The following ARFGEF1 variants were observed in gnomAD, a reference collection of about 807,000 sequenced individuals.
The protein encoded by ARFGEF1 is brefeldin A-inhibited guanine nucleotide-exchange protein 1.
ARFGEF1 carries 42 observed loss-of-function variants against 231.0 expected under a neutral mutation model. That is an observed-to-expected ratio of 0.18 (90% CI 0.14 to 0.24). The LOEUF is 0.24. Among genes scored for constraint, ARFGEF1 ranks in the 10% least tolerant of loss-of-function variants. The pLI, the probability that ARFGEF1 is intolerant of heterozygous loss-of-function variation, is 1.00. For synonymous variants in ARFGEF1, 710 were observed against 732.3 expected, an observed-to-expected ratio of 0.97 and a Z score of 0.49; for missense variants, 1,345 against 2,192.0, an observed-to-expected ratio of 0.61 and a Z score of 7.72.
In ARFGEF1 at chr8:67,240,632, A is replaced by C. The variant is rs78779453; in HGVS notation, c.2851-342T>G. Among the ~76,000 whole-genome samples the C allele has an allele frequency of 5.0e-3, 763 of 152,306 alleles. 3 individuals are homozygous for C. Among genetic ancestry groups the C allele is most frequent in the Middle Eastern group, 0.017 (5 of 294 alleles). ...TCTCTTTGTAAGCTTTGTCTCTTGC[A>C]ATATTTCACACTATTTCCAGTAAGA... is the stretch of plus-strand genomic sequence containing the variant. On this transcript the variant is annotated intron_variant, in intron 19 of 38. Transcript: ENST00000262215.
chr8:67,204,739 T>A lies in ARFGEF1; in HGVS notation c.4900A>T (p.Ile1634Phe), dbSNP rs1346565578. Reference protein sequence around the residue: ...QLELIQTIDNIVFFPATSKKE... With the variant: ...QLELIQTIDNFVFFPATSKKE... ...TTACTTGTGGCTGGGAAGAAGACAA[T>A]GTTGTCGATAGTCTGGATGAGTTCC... is the stretch of plus-strand genomic sequence containing the variant. The change falls in exon 35 of 39, where the codon ATT becomes TTT. Residue 1634 changes from isoleucine to phenylalanine, a missense_variant. Ile to Phe is a conservative substitution (Grantham distance 21, BLOSUM62 0). Around this residue, in one of 14 missense-constraint regions of ARFGEF1, gnomAD observed 161 missense variants for 284.9 expected, o/e 0.57. Transcript: ENST00000262215. 6.2e-7 allele frequency: 1 copy of A among 1,613,960 alleles called. No individual in the cohort carries two copies.
At chr8:67,231,149 G>A (rs1350229321) in intron 23 of ARFGEF1, among the ~76,000 whole-genome samples, 1 of 152,048 alleles carries the variant, frequency 6.6e-6, no homozygotes, top group Non-Finnish European at 1.5e-5. Context: ...CTACCACTGA[G>A]TTGGGTAATG....
At chr8:67,254,530 G>C (rs929173330) in intron 17 of ARFGEF1, among the ~76,000 whole-genome samples, 1 of 152,070 alleles carries the variant, frequency 6.6e-6, no homozygotes, top group African/African-American at 2.4e-5. Flanking sequence ...GTCATCAGAA[G>C]CTTGCAAAAA....
intron 3 of ARFGEF1, 57 bp downstream of exon 3, chr8:67,301,167 T>C: frequency 6.9e-7 from 1 of 1,441,826 alleles, no homozygotes; most frequent in South Asian, 1.5e-5. Context: ...ATGTGAGTAA[T>C]GTTTTAGAAA....
chr8:67,251,909 T>C (rs1056980775), intron 18 of ARFGEF1, among the ~76,000 whole-genome samples: 2 of 152,062 alleles, frequency 1.3e-5, no homozygotes, highest in African/African-American at 4.8e-5. Flanking sequence ...GGTACCACTT[T>C]CAGAATACAA....
chr8:67,339,994 G>T, intron 1 of ARFGEF1, among the ~76,000 whole-genome samples: 1 of 151,336 alleles, frequency 6.6e-6, no homozygotes, highest in East Asian at 1.9e-4. Flanking sequence ...TCTACATGCT[G>T]TTTCATAAGT....
At chr8:67,225,152 A>C (rs60324950) in intron 28 of ARFGEF1, 119 bp from the exon 29 acceptor site, 56,910 of 968,088 alleles carry the variant, frequency 0.059, 4,843 homozygotes, top group African/African-American at 0.35. Context: ...ATTTAATAAA[A>C]AATAATTTAT....
chr8:67,312,528 A>C (rs191316171), intron 1 of ARFGEF1, among the ~76,000 whole-genome samples: 2 of 152,044 alleles, frequency 1.3e-5, no homozygotes, highest in East Asian at 1.9e-4. Context: ...GAAGGATAAC[A>C]AAAAAAACAA....
At chr8:67,321,186 A>C (rs971737299) in intron 1 of ARFGEF1, among the ~76,000 whole-genome samples, 2 of 152,106 alleles carry the variant, frequency 1.3e-5, no homozygotes, top group African/African-American at 2.4e-5. Context: ...GGGGTGCTAA[A>C]ACTATTCTGT....
At chr8:67,221,759 G>A (rs946119219) in intron 29 of ARFGEF1, among the ~76,000 whole-genome samples, 4 of 151,670 alleles carry the variant, frequency 2.6e-5, no homozygotes, top group Non-Finnish European at 5.9e-5. Flanking sequence ...TTTCCAGTCC[G>A]GCGAGTTCCA....
intron 1 of ARFGEF1, among the ~76,000 whole-genome samples, chr8:67,333,790 T>G (rs1380177737): frequency 6.6e-6 from 1 of 152,126 alleles, no homozygotes; most frequent in South Asian, 2.1e-4. Context: ...TCATCTCACG[T>G]GATGGGTCAC....
At position 67,222,164 on chromosome 8, in the gene ARFGEF1, C is replaced by CATAT. The variant is rs1333771303; in HGVS notation, c.4209-2608_4209-2605dup. On this transcript the variant is annotated intron_variant, in intron 29 of 38. Coordinates refer to ENST00000262215, the MANE Select transcript of ARFGEF1 (RefSeq NM_006421.5). ...ATGTTTTTACTGTACCTTTTCCATG[C>CATAT]ATATATATATATATACACATATATA... Among the ~76,000 whole-genome samples, 935 of 119,116 alleles carry CATAT rather than the reference C, an allele frequency of 7.8e-3. 18 individuals carry two copies. The highest frequency in any genetic ancestry group is 0.03 in the African/African-American group (800 of 26,610). 78.1% of individuals were successfully genotyped at this position (119,116 alleles called of 152,430 possible).
At chr8:67,325,812 T>G (rs1267440044) in intron 1 of ARFGEF1, among the ~76,000 whole-genome samples, 1 of 152,216 alleles carries the variant, frequency 6.6e-6, no homozygotes, top group Non-Finnish European at 1.5e-5. Flanking sequence ...TACTCAGGAC[T>G]AAAAAAGTTT....
chr8:67,326,879 A>G (rs542894466), intron 1 of ARFGEF1, among the ~76,000 whole-genome samples: 1 of 152,312 alleles, frequency 6.6e-6, no homozygotes, highest in Non-Finnish European at 1.5e-5. Context: ...TCAAAATCCT[A>G]TGTCAGGCCA....
chr8:67,232,797 A>G (rs1311157151), intron 23 of ARFGEF1, 58 bp downstream of exon 23: 13 of 1,353,658 alleles, frequency 9.6e-6, no homozygotes, highest in Non-Finnish European at 1.3e-5. Flanking sequence ...ACCAACACCT[A>G]AATGCTAAAG....
At chr8:67,202,450 G>C (rs556364313) in intron 36 of ARFGEF1, among the ~76,000 whole-genome samples, 4 of 152,070 alleles carry the variant, frequency 2.6e-5, no homozygotes, top group African/African-American at 9.6e-5. Flanking sequence ...GTAGAGACAG[G>C]GTCTTGCTAT....
At chr8:67,255,987 C>A (rs1378440525) in intron 17 of ARFGEF1, among the ~76,000 whole-genome samples, 1 of 152,202 alleles carries the variant, frequency 6.6e-6, no homozygotes, top group Non-Finnish European at 1.5e-5. Flanking sequence ...GAAGACATTG[C>A]ACAGGTGCAT....
chr8:67,250,699 C>G (rs1840255445), intron 19 of ARFGEF1, among the ~76,000 whole-genome samples: 1 of 152,198 alleles, frequency 6.6e-6, no homozygotes, highest in Non-Finnish European at 1.5e-5. Flanking sequence ...TCTTTTCAAA[C>G]TTAACTAGAC....
chr8:67,314,224 T>C (rs1807202877), intron 1 of ARFGEF1, among the ~76,000 whole-genome samples: 1 of 152,222 alleles, frequency 6.6e-6, no homozygotes. Flanking sequence ...ACTTTAGTTC[T>C]TTCCCTAACT....
Sources: allele counts gnomAD v4.1 joint callset (sites outside exome capture counted in the v4.1 genomes callset), GRCh38; gene constraint gnomAD v4.1.1; regional missense constraint gnomAD v4.1.1; transcripts MANE v1.5; gene names NCBI Gene and HGNC (gene_info 2026-07-23, HGNC 2026-07-21).